The following KDM4C variants were observed in gnomAD, a reference collection of about 807,000 sequenced individuals.
KDM4C encodes the protein lysine demethylase 4C.
Under a neutral mutation model 129.3 loss-of-function variants are expected in KDM4C, and 81 were observed. The ratio of observed to expected loss-of-function variants is 0.63; its 90% CI spans 0.52 to 0.75. The LOEUF is 0.75. Ranked by LOEUF, KDM4C falls within the 30% of genes least tolerant of loss-of-function variation. The pLI, the probability that KDM4C is intolerant of heterozygous loss-of-function variation, is 0.00. For missense variants in KDM4C, 1,457 were observed against 1,304.0 expected, an observed-to-expected ratio of 1.12 and a Z score of -1.81; for synonymous variants, 573 against 456.1, an observed-to-expected ratio of 1.26 and a Z score of -3.26.
chr9:6,866,817 G>T (rs7861798), intron 5 of KDM4C, among the ~76,000 whole-genome samples: 147,108 of 150,442 alleles, frequency 0.98, 72,012 homozygotes, highest in East Asian at 1. Flanking sequence ...TTGCTTGGAA[G>T]TTTTTTACTT....
At chr9:6,730,532 G>A (rs970404865) in intron 1 of KDM4C, among the ~76,000 whole-genome samples, 16 of 151,428 alleles carry the variant, frequency 1.1e-4, no homozygotes, top group Admixed American at 1.3e-4. Context: ...GGAGAATGGC[G>A]TGAACCCGGG....
chr9:7,035,712 A>G (rs1827525277), intron 15 of KDM4C, among the ~76,000 whole-genome samples: 1 of 152,112 alleles, frequency 6.6e-6, no homozygotes, highest in African/African-American at 2.4e-5. Context: ...GTGGATATCC[A>G]ATTTTTCCGG....
At chr9:6,733,698 G>T (rs1219768614) in intron 1 of KDM4C, among the ~76,000 whole-genome samples, 2 of 152,192 alleles carry the variant, frequency 1.3e-5, no homozygotes, top group Non-Finnish European at 2.9e-5. Flanking sequence ...TAAAGAGAAA[G>T]CAAGTTTGTT....
intron 4 of KDM4C, among the ~76,000 whole-genome samples, chr9:6,826,754 C>G (rs911448493): frequency 7.3e-5 from 11 of 151,656 alleles, no homozygotes; most frequent in Non-Finnish European, 1.6e-4. Flanking sequence ...GTAGTGCCAG[C>G]TATTGGGGAA....
intron 1 of KDM4C, among the ~76,000 whole-genome samples, chr9:6,769,818 G>C (rs1346620808): frequency 6.6e-6 from 1 of 152,174 alleles, no homozygotes; most frequent in Non-Finnish European, 1.5e-5. Context: ...TTATGAATTA[G>C]ACAAAATGTA....
chr9:7,100,917 CTTTGGT>C (rs1480071779), intron 17 of KDM4C, among the ~76,000 whole-genome samples: 3 of 152,104 alleles, frequency 2.0e-5, no homozygotes, highest in Admixed American at 1.3e-4. Flanking sequence ...TTCTTATCTA[CTTTGGT>C]TTCTCTGTTC....
chr9:6,868,784 A>G (rs1013031647), intron 5 of KDM4C, among the ~76,000 whole-genome samples: 1 of 152,064 alleles, frequency 6.6e-6, no homozygotes, highest in African/African-American at 2.4e-5. Context: ...AAGTCGCTTT[A>G]CTACTGCATG....
intron 4 of KDM4C, chr9:6,835,090 G>A: frequency 1.0e-6 from 1 of 998,560 alleles, no homozygotes; most frequent in Non-Finnish European, 1.6e-6. Flanking sequence ...TGACATCAAG[G>A]AGAAGCTGTG....
intron 2 of KDM4C, among the ~76,000 whole-genome samples, chr9:6,795,425 G>C (rs1366607342): frequency 6.6e-6 from 1 of 152,194 alleles, no homozygotes; most frequent in Non-Finnish European, 1.5e-5. Flanking sequence ...TCTGCCTCCT[G>C]GTTTCAAGCT....
intron 1 of KDM4C, among the ~76,000 whole-genome samples, chr9:6,763,299 T>C (rs1469825271): frequency 1.3e-5 from 2 of 152,120 alleles, no homozygotes; most frequent in African/African-American, 4.8e-5. Context: ...CCCATGCTGT[T>C]GTTCCCTGTG....
intron 14 of KDM4C, among the ~76,000 whole-genome samples, chr9:7,015,640 C>T (rs1190840532): frequency 1.3e-5 from 2 of 152,136 alleles, no homozygotes; most frequent in African/African-American, 4.8e-5. Context: ...AATTTTATTA[C>T]CCATTCAAGA....
intron 5 of KDM4C, among the ~76,000 whole-genome samples, chr9:6,867,017 ATTTTT>A (rs139668753): frequency 5.1e-4 from 43 of 83,772 alleles, no homozygotes; most frequent in Admixed American, 2.2e-3. Flanking sequence ...ATATATATAT[ATTTTT>A]TTTTTTTTTT....
At chr9:7,121,182 A>C (rs1305825619) in intron 18 of KDM4C, among the ~76,000 whole-genome samples, 2 of 152,166 alleles carry the variant, frequency 1.3e-5, no homozygotes, top group African/African-American at 2.4e-5. Flanking sequence ...TCTGTGGGTT[A>C]TCAATTTAGG....
At chr9:7,062,428 C>T (rs1243017287) in intron 17 of KDM4C, among the ~76,000 whole-genome samples, 4 of 152,136 alleles carry the variant, frequency 2.6e-5, no homozygotes, top group Non-Finnish European at 5.9e-5. Flanking sequence ...TGCTCTGTTG[C>T]CCAGGCTGGA....
At chr9:7,165,734 A>G (rs749423473) in intron 20 of KDM4C, among the ~76,000 whole-genome samples, 20 of 152,226 alleles carry the variant, frequency 1.3e-4, no homozygotes, top group Non-Finnish European at 4.4e-5. Flanking sequence ...CAGCCCCTGA[A>G]GTGGTGGCTT....
At chr9:6,914,883 T>G (rs988082406) in intron 8 of KDM4C, among the ~76,000 whole-genome samples, 2 of 152,234 alleles carry the variant, frequency 1.3e-5, no homozygotes, top group Non-Finnish European at 2.9e-5. Context: ...CCTCTAAAAC[T>G]GTGAACAGTA....
chr9:7,051,216 A>T (rs1564045776), intron 17 of KDM4C, among the ~76,000 whole-genome samples: 1 of 152,288 alleles, frequency 6.6e-6, no homozygotes, highest in South Asian at 2.1e-4. Flanking sequence ...TGGAATAATA[A>T]TACGAGGAGC....
At chr9:6,731,700 C>G (rs1017176328) in intron 1 of KDM4C, among the ~76,000 whole-genome samples, 9 of 152,096 alleles carry the variant, frequency 5.9e-5, no homozygotes, top group Non-Finnish European at 1.2e-4. Context: ...AAAACAATGG[C>G]CTTCCATAAT....
At chr9:7,123,927 G>T (rs1398886271) in intron 18 of KDM4C, among the ~76,000 whole-genome samples, 1 of 152,166 alleles carries the variant, frequency 6.6e-6, no homozygotes, top group African/African-American at 2.4e-5. Flanking sequence ...ACTCATCCAT[G>T]CCAATGACTC....
Sources: gnomAD v4.1 joint callset for allele counts (sites outside exome capture counted in the v4.1 genomes callset) on GRCh38, gnomAD v4.1.1 for gene constraint, MANE v1.5 for transcripts, NCBI Gene and HGNC (gene_info 2026-07-23, HGNC 2026-07-21) for gene names.